The following CFAP65 variants were observed in gnomAD, a reference collection of about 807,000 sequenced individuals.
The protein encoded by CFAP65 is cilia and flagella associated protein 65, also known as cilia- and flagella-associated protein 65.
Under a neutral mutation model 208.0 loss-of-function variants are expected in CFAP65, and 155 were observed. That is an observed-to-expected ratio of 0.75 (90% CI 0.65 to 0.85). The LOEUF is 0.85. CFAP65 is among the 40% of genes least tolerant of loss of function. The probability of loss-of-function intolerance (pLI) is 0.00; values close to 1 mark genes in which losing one functional copy is unlikely to be tolerated. For synonymous variants in CFAP65, 970 were observed against 986.3 expected (o/e 0.98, Z 0.31); for missense variants, 2,294 against 2,451.3 (o/e 0.94, Z 1.36).
chr2:219,039,136 A>G (rs1242460827), intron 2 of CFAP65, 86 bp from the exon 3 acceptor site: 2 of 1,189,828 alleles, frequency 1.7e-6, no homozygotes, highest in Non-Finnish European at 2.4e-6. Flanking sequence ...ATATGCAAAT[A>G]TATGTGGCAC....
At chr2:219,030,556 A>C in intron 9 of CFAP65, 133 bp downstream of exon 9, 1 of 1,237,388 alleles carries the variant, frequency 8.1e-7, no homozygotes, top group Non-Finnish European at 1.1e-6. Flanking sequence ...ACCTGTTGAC[A>C]GCTGACATGG....
chr2:219,022,438 G>A (rs1574596310), intron 16 of CFAP65, 109 bp from the exon 17 acceptor site: 7 of 1,264,996 alleles, frequency 5.5e-6, no homozygotes, highest in Non-Finnish European at 5.6e-6. Context: ...CCCTTTCTCA[G>A]AATCTACCCT....
chr2:219,010,823 G>T lies in CFAP65; in HGVS notation c.4131C>A (p.Ile1377=), dbSNP rs777874341. Residue 1377 remains isoleucine (I), a synonymous_variant, in exon 25 of 35, where the codon ATC becomes ATA. Transcript: ENST00000341552. Reference sequence around the variant, plus strand: ...TGCTCACCGTGTAGGTCTTGGCCTCGATAGGTGAGAAGATCCACAAGACCC... The same window carrying T: ...TGCTCACCGTGTAGGTCTTGGCCTCTATAGGTGAGAAGATCCACAAGACCC... ...TARVLWIFSP[I]EAKTYTVDVP... is the part of the protein sequence containing the mutation. 1.2e-6 allele frequency: 2 copies of T among 1,607,648 alleles called. No individual in the cohort carries two copies. The highest frequency in any genetic ancestry group is 1.1e-5 in the South Asian group (1 of 90,704).
intron 28 of CFAP65, 52 bp downstream of exon 28, chr2:219,009,295 A>T: frequency 1.3e-6 from 2 of 1,489,016 alleles, no homozygotes; most frequent in South Asian, 2.3e-5. Context: ...ACCCCACCCC[A>T]GCATTGGGAG....
At chr2:219,034,984 C>T (rs902263172) in intron 5 of CFAP65, 8 of 227,626 alleles carry the variant, frequency 3.5e-5, no homozygotes. Context: ...AGGTACATGG[C>T]CCAAGCCTCC....
At chr2:219,014,145 C>G (rs1946679517) in intron 21 of CFAP65, 101 bp from the exon 22 acceptor site, 1 of 1,041,042 alleles carries the variant, frequency 9.6e-7, no homozygotes, top group Admixed American at 2.8e-5. Context: ...TCTTCCATGA[C>G]TCCCGCACTT....
At position 219,003,859 on chromosome 2, in the gene CFAP65, T is replaced by C. The variant is rs1300655166; in HGVS notation, c.5555+93A>G. 1.4e-6 allele frequency: 2 copies of C among 1,464,792 alleles called. No homozygotes were observed. The highest frequency in any genetic ancestry group is 1.9e-6 in the Non-Finnish European group (2 of 1,075,142). 90.7% of individuals were successfully genotyped at this position (1,464,792 alleles called of 1,614,324 possible). On this transcript the variant is annotated intron_variant, in intron 33 of 34. Transcript: ENST00000341552. The surrounding 1 kb of genome is among the most constrained non-coding windows in gnomAD (Gnocchi z 4.4). ...GCACTGAATTAGGATGAGATGTGCA[T>C]ACAGGCAGCAGCCATCCTTGGCATC... is the stretch of plus-strand genomic sequence containing the variant.
chr2:219,021,342 C>A, intron 18 of CFAP65, 62 bp from the exon 19 acceptor site: 1 of 1,478,002 alleles, frequency 6.8e-7, no homozygotes, highest in Non-Finnish European at 9.0e-7. Flanking sequence ...CCTCCTGCTC[C>A]TTTGTAGATA....
chr2:219,013,496 G>T lies in CFAP65; in HGVS notation c.3846+23C>A, dbSNP rs374865572. On this transcript the variant is annotated intron_variant, in intron 23 of 34. Transcript: ENST00000341552. ...CCTCCTCCAGCCTGAAACTAGGGCA[G>T]GGCCAGTGTGCTGGGGCCTCACCAG... is the stretch of plus-strand genomic sequence containing the variant. The T allele has an allele frequency of 3.8e-5, 60 of 1,588,640 alleles. 1 individual carries two copies. The highest frequency in any genetic ancestry group is 4.0e-5 in the Non-Finnish European group (47 of 1,168,792).
At position 219,003,010 on chromosome 2, in the gene CFAP65, G is replaced by C; in HGVS notation, c.5705C>G (p.Pro1902Arg). Residue 1902 changes from proline to arginine, a missense_variant, in exon 35 of 35, where the codon CCG becomes CGG. Physicochemically the swap from Pro to Arg is moderately radical, Grantham distance 103 (BLOSUM62 -2). This residue lies in a region of CFAP65 where 1,427 missense variants were observed against 1,438.7 expected (regional missense o/e 0.99). Coordinates refer to ENST00000341552, the MANE Select transcript of CFAP65 (RefSeq NM_194302.4). The surrounding 1 kb of genome is among the most constrained non-coding windows in gnomAD (Gnocchi z 4.4). ...TTGCTGCGTCGGCAGCAGCGTGTCC[G>C]GGGTCAGACTCCTGGAAGACAAAAA... ...PPFCVPRSLT[P>R]DTLLPTQQAE... 6.4e-7 allele frequency: 1 copy of C among 1,558,492 alleles called. No individual in the cohort carries two copies. The highest frequency in any genetic ancestry group is 8.7e-7 in the Non-Finnish European group (1 of 1,150,388).
At chr2:219,027,378 G>A in intron 13 of CFAP65, 10 of 1,467,798 alleles carry the variant, frequency 6.8e-6, no homozygotes, top group Non-Finnish European at 9.0e-6. Flanking sequence ...ATCTCCCTGT[G>A]CACCCAGTTT....
chr2:219,031,593 G>A lies in CFAP65; in HGVS notation c.711C>T (p.Ala237=). ...AEGMFCVGLR[A]TLPCHRLICR... is the part of the protein sequence containing the mutation. ...AGATCAGCCTGTGGCAGGGCAGGGT[G>A]GCCCGTAGGCCGACACAGAACATCC... Residue 237 remains alanine (A), a synonymous_variant, in exon 7 of 35, where the codon GCC becomes GCT. Transcript: ENST00000341552. The surrounding 1 kb of genome is among the most constrained non-coding windows in gnomAD (Gnocchi z 5.2). 6.2e-7 allele frequency: 1 copy of A among 1,614,184 alleles called. No individual in the cohort carries two copies.
At chr2:219,023,472 T>G (rs1459639804) in intron 15 of CFAP65, 41 bp from the exon 16 acceptor site, 3 of 1,401,180 alleles carry the variant, frequency 2.1e-6, no homozygotes, top group Non-Finnish European at 9.8e-7. Context: ...GACCTCACTC[T>G]GCAGTCCCAG....
In CFAP65 at chr2:219,009,921, C is replaced by T. The variant is rs765199075; in HGVS notation, c.4452+21G>A. 11 of 1,592,940 alleles carry T rather than the reference C, an allele frequency of 6.9e-6. No homozygotes were observed. The Admixed American group carries it at 1.9e-4, about 28-fold the overall frequency. ...GGGTCTGGAGCTCTGATGGAGGTTC[C>T]AGGGCTCAGGGGACTCTCACCTCCC... On this transcript the variant is annotated intron_variant, in intron 27 of 34. Coordinates refer to ENST00000341552, the MANE Select transcript of CFAP65 (RefSeq NM_194302.4).
chr2:219,029,293 C>T, intron 11 of CFAP65, 110 bp downstream of exon 11: 7 of 1,389,634 alleles, frequency 5.0e-6, no homozygotes, highest in Non-Finnish European at 6.8e-6. Flanking sequence ...ACCAGGCAGA[C>T]AGCCCTAGAA....
chr2:219,005,332 T>C, intron 32 of CFAP65, 102 bp downstream of exon 32: 1 of 1,498,262 alleles, frequency 6.7e-7, no homozygotes, highest in Middle Eastern at 1.8e-4. Context: ...CACCAAGTTC[T>C]ATTTCTCAAG....
At chr2:219,011,421 T>C (rs1946476275) in intron 24 of CFAP65, among the ~76,000 whole-genome samples, 1 of 151,964 alleles carries the variant, frequency 6.6e-6, no homozygotes, top group Non-Finnish European at 1.5e-5. Context: ...ACCACAGGCA[T>C]GCACTACCAC....
Position 219,027,649 on chromosome 2 carries a change from C to T in CFAP65, c.2211+1G>A. The stretch of plus-strand genomic sequence containing the variant: ...TCCTCCCTCTCATTGCGTGCACACA[C>T]CTTATAGATGGCGAAGGCTTCGAGC... On this transcript the variant is annotated splice_donor_variant, in intron 13 of 34. Transcript: ENST00000341552. LOFTEE classifies it high-confidence loss of function. The T allele has an allele frequency of 6.2e-7, 1 of 1,613,810 alleles. No individual in the cohort carries two copies. The highest frequency in any genetic ancestry group is 8.5e-7 in the Non-Finnish European group (1 of 1,180,032).
chr2:219,025,894 G>C (rs1044755677), intron 14 of CFAP65, 128 bp downstream of exon 14: 1 of 1,189,182 alleles, frequency 8.4e-7, no homozygotes, highest in Non-Finnish European at 1.2e-6. Flanking sequence ...CAGCGGACGT[G>C]GGGACAGCCA....
Sources: gnomAD v4.1 joint callset for allele counts (sites outside exome capture counted in the v4.1 genomes callset) on GRCh38, gnomAD v4.1.1 for gene constraint, gnomAD v4.1.1 regional missense constraint, Gnocchi (gnomAD v3.1) non-coding constraint, MANE v1.5 for transcripts, NCBI Gene and HGNC (gene_info 2026-07-23, HGNC 2026-07-21) for gene names.